KALRN: variants seen among roughly 807,000 people sequenced by gnomAD.
KALRN encodes kalirin.
A neutral mutation model predicts 353.7 loss-of-function variants in KALRN; 70 were observed. That is an observed-to-expected ratio of 0.20 (90% CI 0.16 to 0.24). The LOEUF (loss-of-function observed/expected upper bound fraction) is 0.24. Ranked by LOEUF, KALRN falls within the 10% of genes least tolerant of loss-of-function variation. The probability of loss-of-function intolerance (pLI) is 1.00; values close to 1 mark genes in which losing one functional copy is unlikely to be tolerated. For synonymous variants in KALRN, 1,391 were observed against 1,434.8 expected (o/e 0.97, Z 0.69); for missense variants, 2,791 against 3,756.7 (o/e 0.74, Z 6.72).
chr3:124,121,925 A>G (rs1427572735), intron 1 of KALRN, among the ~76,000 whole-genome samples: 3 of 152,198 alleles, frequency 2.0e-5, no homozygotes, highest in Non-Finnish European at 4.4e-5. Context: ...TTCAGGGAAG[A>G]TGGGCAATTA....
intron 1 of KALRN, among the ~76,000 whole-genome samples, chr3:124,208,252 G>A (rs2076592051): frequency 6.6e-6 from 1 of 152,172 alleles, no homozygotes; most frequent in Non-Finnish European, 1.5e-5. Context: ...GGCTTTTCCT[G>A]TACTGGCACT....
intron 27 of KALRN, among the ~76,000 whole-genome samples, chr3:124,482,453 A>G (rs2062082110): frequency 6.6e-6 from 1 of 151,636 alleles, no homozygotes; most frequent in South Asian, 2.1e-4. Flanking sequence ...TTTGGAACTG[A>G]TTTCCTTTTA....
rs2064834264 is a variant in KALRN at position 124,127,593 on chromosome 3, T to C, written c.73+93780T>C. On this transcript the variant is annotated intron_variant, in intron 1 of 59. Transcript: ENST00000682506. Reference sequence around the variant, plus strand: ...ATGAGATCTTAGAGTCCATTTAGTCTAACTTTCCACTTGAGGCAGAAATTG... The same window carrying C: ...ATGAGATCTTAGAGTCCATTTAGTCCAACTTTCCACTTGAGGCAGAAATTG... 2.6e-5 allele frequency among the ~76,000 whole-genome samples: 4 copies of C among 152,240 alleles called. No homozygotes were observed. In the South Asian group the frequency reaches 8.3e-4, roughly 31 times the overall value.
At chr3:124,370,258 A>G (rs538382079) in intron 10 of KALRN, among the ~76,000 whole-genome samples, 122 of 152,216 alleles carry the variant, frequency 8.0e-4, no homozygotes, top group African/African-American at 2.8e-3. Flanking sequence ...CAAAAAAGAT[A>G]CCAGAAGGAC....
chr3:124,627,546 A>G (rs2080098401), intron 34 of KALRN, among the ~76,000 whole-genome samples: 1 of 152,258 alleles, frequency 6.6e-6, no homozygotes. Context: ...CGCAAGGCAC[A>G]GTTAATGTGG....
intron 33 of KALRN, among the ~76,000 whole-genome samples, chr3:124,529,627 G>A (rs905029821): frequency 6.6e-6 from 1 of 152,156 alleles, no homozygotes; most frequent in East Asian, 1.9e-4. Context: ...ACAGCCAGAT[G>A]TGGGAAACTA....
Position 124,657,603 on chromosome 3 carries a change from G to T in KALRN, c.5966+52G>T, listed in dbSNP as rs376953467. On this transcript the variant is annotated intron_variant, in intron 40 of 59. Transcript: ENST00000682506. The stretch of plus-strand genomic sequence containing the variant: ...CCAGTGTCCTGGGAATCCAGGACTT[G>T]AGTCCTCTTCCTGCATCTGACTCAA... 27 of 1,462,430 alleles carry T rather than the reference G, an allele frequency of 1.8e-5. No homozygotes were observed. In the East Asian group the frequency reaches 5.4e-4, roughly 29 times the overall value. The allele number at this position is 1,462,430 out of a possible 1,614,324, so 90.6% of individuals were successfully genotyped here.
At chr3:124,083,040 C>G (rs1197755566) in intron 1 of KALRN, among the ~76,000 whole-genome samples, 1 of 152,200 alleles carries the variant, frequency 6.6e-6, no homozygotes, top group Non-Finnish European at 1.5e-5. Context: ...TGAGTTACTG[C>G]TAGAAGGGAG....
chr3:124,674,189 A>C (rs966432500), intron 48 of KALRN, among the ~76,000 whole-genome samples, 175 bp from the exon 49 acceptor site: 4 of 152,342 alleles, frequency 2.6e-5, no homozygotes, highest in Middle Eastern at 3.4e-3. Context: ...CTATTAAAAA[A>C]TATACTTTCA....
chr3:124,493,734 C>A (rs187246568), intron 32 of KALRN, among the ~76,000 whole-genome samples: 1 of 152,270 alleles, frequency 6.6e-6, no homozygotes, highest in Admixed American at 6.5e-5. Flanking sequence ...CCTATGAAGC[C>A]GCAGCAGCAT....
chr3:124,628,791 T>G (rs1418051017), intron 34 of KALRN, among the ~76,000 whole-genome samples: 2 of 138,398 alleles, frequency 1.4e-5, no homozygotes, highest in Non-Finnish European at 3.0e-5. Flanking sequence ...AGTCTTGCCA[T>G]GATGGCCAGG....
chr3:124,239,035 T>C (rs775689577), intron 3 of KALRN, among the ~76,000 whole-genome samples: 17 of 152,318 alleles, frequency 1.1e-4, no homozygotes, highest in Non-Finnish European at 2.2e-4. Context: ...AAGTTCTGGA[T>C]AGGAATCTTG....
intron 37 of KALRN, among the ~76,000 whole-genome samples, chr3:124,643,295 GA>G (rs1559751533): frequency 6.6e-6 from 1 of 152,024 alleles, no homozygotes; most frequent in Non-Finnish European, 1.5e-5. Context: ...TTGCAGGTGT[GA>G]GCCACCATGC....
At chr3:124,464,596 G>C (rs1423157800) in intron 25 of KALRN, among the ~76,000 whole-genome samples, 4 of 152,036 alleles carry the variant, frequency 2.6e-5, no homozygotes, top group African/African-American at 9.7e-5. Context: ...ATATTATCGA[G>C]TTAGAATATT....
At chr3:124,297,929 C>T (rs2076973904) in intron 5 of KALRN, among the ~76,000 whole-genome samples, 1 of 152,210 alleles carries the variant, frequency 6.6e-6, no homozygotes, top group South Asian at 2.1e-4. Flanking sequence ...AGAAGAGAAG[C>T]CATAACTAAA....
rs80352711 is a variant in KALRN, at chr3:124,211,858, G to A, written c.74-16132G>A. Among the ~76,000 whole-genome samples the A allele has an allele frequency of 7.2e-3, 1,097 of 152,218 alleles. 14 individuals carry two copies. The highest frequency in any genetic ancestry group is 0.026 in the African/African-American group (1,064 of 41,534). On this transcript the variant is annotated intron_variant, in intron 1 of 59. Transcript: ENST00000682506. ...ACCTCTATTGACTGAAAAGCATAGG[G>A]CCATCTCTGGGGATAGAAACTGCAT...
intron 13 of KALRN, chr3:124,410,189 ACT>A (rs751838104): frequency 3.8e-6 from 2 of 531,840 alleles, no homozygotes; most frequent in East Asian, 5.5e-5. Flanking sequence ...CTCTGACGTG[ACT>A]CTCTTCTCCC....
At chr3:124,460,108 G>A (rs971153161) in intron 23 of KALRN, among the ~76,000 whole-genome samples, 2 of 152,154 alleles carry the variant, frequency 1.3e-5, no homozygotes, top group Admixed American at 6.5e-5. Context: ...ATATATGCCT[G>A]TATCAAAAAT....
chr3:124,463,677 C>T (rs1381298107), intron 25 of KALRN, among the ~76,000 whole-genome samples: 1 of 152,134 alleles, frequency 6.6e-6, no homozygotes, highest in African/African-American at 2.4e-5. Flanking sequence ...GATATCTCAG[C>T]TCTAGAATAG....
Sources: allele counts gnomAD v4.1 joint callset (sites outside exome capture counted in the v4.1 genomes callset), GRCh38; gene constraint gnomAD v4.1.1; transcripts MANE v1.5; gene names NCBI Gene and HGNC (gene_info 2026-07-23, HGNC 2026-07-21).